The following GNAQ variants were observed in gnomAD, a reference collection of about 807,000 sequenced individuals.
The protein encoded by GNAQ is guanine nucleotide-binding protein G(q) subunit alpha.
GNAQ carries 8 observed loss-of-function variants against 43.9 expected under a neutral mutation model. That is an observed-to-expected ratio of 0.18 (90% CI 0.11 to 0.33). GNAQ has a LOEUF of 0.33. GNAQ is among the 10% of genes least tolerant of loss of function. GNAQ has a pLI of 1.00. For missense variants in GNAQ, 158 were observed against 450.8 expected (o/e 0.35, Z 5.88); for synonymous variants, 155 against 170.7 (o/e 0.91, Z 0.71).
intron 2 of GNAQ, among the ~76,000 whole-genome samples, chr9:77,891,618 CTTCT>C (rs1257866254): frequency 6.6e-6 from 1 of 152,170 alleles, no homozygotes; most frequent in Non-Finnish European, 1.5e-5. Flanking sequence ...GCCTTTGCCA[CTTCT>C]TTGAGGCCCA....
intron 2 of GNAQ, among the ~76,000 whole-genome samples, chr9:77,816,520 T>C (rs1046166917): frequency 6.6e-6 from 1 of 152,196 alleles, no homozygotes; most frequent in Non-Finnish European, 1.5e-5. Context: ...AAATATTTTA[T>C]GGTCAACCCT....
intron 2 of GNAQ, among the ~76,000 whole-genome samples, chr9:77,900,929 G>C (rs1050509867): frequency 6.6e-6 from 1 of 152,046 alleles, no homozygotes; most frequent in Non-Finnish European, 1.5e-5. Flanking sequence ...TATATTGCTT[G>C]TATACTGTCA....
chr9:77,848,021 T>G (rs1009492030), intron 2 of GNAQ, among the ~76,000 whole-genome samples: 1 of 152,234 alleles, frequency 6.6e-6, no homozygotes, highest in African/African-American at 2.4e-5. Context: ...TCGTGTTGGA[T>G]GCTCTGGATT....
At chr9:77,904,289 C>G (rs2118171071) in intron 2 of GNAQ, among the ~76,000 whole-genome samples, 1 of 142,116 alleles carries the variant, frequency 7.0e-6, no homozygotes, top group East Asian at 2.3e-4. Context: ...GAGATATGGG[C>G]AGTGGAGTTA....
intron 1 of GNAQ, among the ~76,000 whole-genome samples, chr9:77,960,287 A>G (rs1823091333): frequency 6.6e-6 from 1 of 152,190 alleles, no homozygotes; most frequent in Non-Finnish European, 1.5e-5. Flanking sequence ...TGGTCATCAC[A>G]CCAGAATGGG....
intron 2 of GNAQ, among the ~76,000 whole-genome samples, chr9:77,865,508 G>A (rs967437770): frequency 6.6e-6 from 1 of 152,182 alleles, no homozygotes; most frequent in East Asian, 1.9e-4. Flanking sequence ...ATACCAAGGA[G>A]CAAAGTCCAT....
intron 1 of GNAQ, among the ~76,000 whole-genome samples, chr9:77,942,715 T>TA (rs1423771412): frequency 2.6e-5 from 4 of 152,192 alleles, no homozygotes; most frequent in African/African-American, 9.6e-5. Flanking sequence ...GGGTAATGCA[T>TA]AATTATCTCA....
intron 1 of GNAQ, among the ~76,000 whole-genome samples, chr9:77,962,892 CAAAAAAA>C (rs538653191): frequency 2.9e-4 from 16 of 55,232 alleles, no homozygotes; most frequent in African/African-American, 9.9e-4. Flanking sequence ...AACTTAGTCT[CAAAAAAA>C]AAAAAAAAAA....
At chr9:77,868,362 T>C (rs970800522) in intron 2 of GNAQ, among the ~76,000 whole-genome samples, 11 of 152,190 alleles carry the variant, frequency 7.2e-5, no homozygotes, top group African/African-American at 2.7e-4. Flanking sequence ...TTATGAATCA[T>C]GAATAAGAGG....
rs151243837 is a variant in GNAQ at position 77,809,376 on chromosome 9, TTG to T, written c.476+6238_476+6239del. Among the ~76,000 whole-genome samples, 5 of 152,300 alleles carry T rather than the reference TTG, an allele frequency of 3.3e-5. No individual in the cohort carries two copies. In the East Asian group the frequency reaches 9.7e-4, roughly 29 times the overall value. ...CACTATACGCCAATGTGATTGAGAC[TTG>T]TGTCTTCTGGCTAATGTCAGGGAGC... On this transcript the variant is annotated intron_variant, in intron 3 of 6. Coordinates refer to ENST00000286548, the MANE Select transcript of GNAQ (RefSeq NM_002072.5).
chr9:77,904,799 C>T (rs947801402), intron 2 of GNAQ, among the ~76,000 whole-genome samples: 7 of 152,058 alleles, frequency 4.6e-5, no homozygotes, highest in African/African-American at 1.7e-4. Flanking sequence ...AACGATGCAG[C>T]TATTATTTTT....
intron 2 of GNAQ, among the ~76,000 whole-genome samples, chr9:77,909,946 G>A (rs1446416335): frequency 6.6e-6 from 1 of 152,130 alleles, no homozygotes; most frequent in African/African-American, 2.4e-5. Context: ...ATTTCTTGCT[G>A]ATATTCATGT....
chr9:78,014,208 A>AT (rs1169357146), intron 1 of GNAQ, among the ~76,000 whole-genome samples: 1 of 152,202 alleles, frequency 6.6e-6, no homozygotes, highest in African/African-American at 2.4e-5. Context: ...AGAAATCAAG[A>AT]AAGAATCAGA....
intron 5 of GNAQ, among the ~76,000 whole-genome samples, chr9:77,767,020 C>T (rs1408848756): frequency 6.6e-6 from 1 of 152,096 alleles, no homozygotes; most frequent in Non-Finnish European, 1.5e-5. Context: ...AGATTTTGGA[C>T]AAACTAAATT....
intron 1 of GNAQ, among the ~76,000 whole-genome samples, chr9:77,957,022 C>T (rs1823049025): frequency 2.6e-5 from 4 of 152,130 alleles, no homozygotes. Context: ...TTTAAGAGTA[C>T]AGCCCGGAAC....
intron 1 of GNAQ, among the ~76,000 whole-genome samples, chr9:77,983,684 T>C (rs543181848): frequency 5.5e-4 from 83 of 152,288 alleles, no homozygotes; most frequent in Admixed American, 2.4e-3. Context: ...TTTTCTGGCA[T>C]TTTATGGAAA....
chr9:78,008,777 G>T (rs1043861503), intron 1 of GNAQ, among the ~76,000 whole-genome samples: 1 of 152,018 alleles, frequency 6.6e-6, no homozygotes, highest in African/African-American at 2.4e-5. Context: ...TGCCACAACA[G>T]CCACCTAATT....
chr9:77,906,221 A>G (rs980287603), intron 2 of GNAQ, among the ~76,000 whole-genome samples: 1 of 152,244 alleles, frequency 6.6e-6, no homozygotes, highest in Non-Finnish European at 1.5e-5. Flanking sequence ...TAATCTCTGG[A>G]ATGAATATAG....
At chr9:77,991,798 T>G (rs7043941) in intron 1 of GNAQ, among the ~76,000 whole-genome samples, 33,287 of 152,122 alleles carry the variant, frequency 0.22, 3,857 homozygotes, top group South Asian at 0.38. Flanking sequence ...AGTTCCCACT[T>G]AAAAGTGAGA....
Sources: allele counts gnomAD v4.1 joint callset (sites outside exome capture counted in the v4.1 genomes callset), GRCh38; gene constraint gnomAD v4.1.1; transcripts MANE v1.5; gene names NCBI Gene and HGNC (gene_info 2026-07-23, HGNC 2026-07-21).